ROBO2: variants seen among roughly 807,000 people sequenced by gnomAD.
ROBO2 encodes roundabout guidance receptor 2, also known as roundabout homolog 2.
ROBO2 carries 53 observed loss-of-function variants against 160.8 expected under a neutral mutation model. The ratio of observed to expected loss-of-function variants is 0.33; its 90% CI spans 0.26 to 0.41. ROBO2 has a LOEUF of 0.41. Among genes scored for constraint, ROBO2 ranks in the 10% least tolerant of loss-of-function variants. ROBO2 has a pLI of 1.00. For synonymous variants in ROBO2, 664 were observed against 611.7 expected (o/e 1.09, Z -1.26); for missense variants, 1,577 against 1,722.4 (o/e 0.92, Z 1.49).
At chr3:76,580,328 GTT>G (rs748888426) in intron 2 of ROBO2, among the ~76,000 whole-genome samples, 2 of 67,324 alleles carry the variant, frequency 3.0e-5, no homozygotes, top group Non-Finnish European at 5.4e-5. Flanking sequence ...TTTTTTTTTT[GTT>G]TTTTTTTTTG....
At position 77,473,289 on chromosome 3, in the gene ROBO2, A is replaced by AAAT. The variant is rs898486698; in HGVS notation, c.389-4116_389-4114dup. ...TTACTGCACCTGTGGCGGAAGAAAA[A>AAAT]AATAATAATAAGAAGAAGAAGAAGA... On this transcript the variant is annotated intron_variant, in intron 2 of 25. Coordinates refer to ENST00000461745, the Ensembl canonical transcript of ROBO2. Among the ~76,000 whole-genome samples the AAAT allele has an allele frequency of 3.3e-5, 5 of 151,582 alleles. No homozygotes were observed. The East Asian group carries it at 7.8e-4, about 24-fold the overall frequency.
At chr3:77,148,767 A>G (rs1468220309) in intron 2 of ROBO2, among the ~76,000 whole-genome samples, 1 of 152,222 alleles carries the variant, frequency 6.6e-6, no homozygotes, top group African/African-American at 2.4e-5. Context: ...ATTACATAAT[A>G]TAGTTATGGT....
chr3:76,734,073 G>C (rs575401572), intron 2 of ROBO2, among the ~76,000 whole-genome samples: 1 of 152,222 alleles, frequency 6.6e-6, no homozygotes, highest in Admixed American at 6.5e-5. Flanking sequence ...ATCCTCATAA[G>C]CTAACCAAAG....
intron 2 of ROBO2, among the ~76,000 whole-genome samples, chr3:76,726,176 A>G (rs1274168270): frequency 3.3e-5 from 5 of 151,992 alleles, no homozygotes; most frequent in Non-Finnish European, 7.4e-5. Flanking sequence ...CTGCATATCC[A>G]TTTCTATACT....
At position 77,365,593 on chromosome 3, in the gene ROBO2, T is replaced by C. The variant is rs75745249; in HGVS notation, c.389-111821T>C. On this transcript the variant is annotated intron_variant, in intron 2 of 25. Transcript: ENST00000461745. ...AATTGTCTTACCTTAGAAAGATTCA[T>C]CACTTTGTGTAACACTCACTTTGTG... 4.6e-4 allele frequency among the ~76,000 whole-genome samples: 70 copies of C among 152,196 alleles called. 1 individual carries two copies. The highest frequency in any genetic ancestry group is 8.4e-4 in the Non-Finnish European group (57 of 68,036).
chr3:75,934,828 TAA>T (rs1947701428), intron 1 of ROBO2, among the ~76,000 whole-genome samples: 1 of 152,120 alleles, frequency 6.6e-6, no homozygotes. Flanking sequence ...CAGTTCTATA[TAA>T]AATAGTAAAA....
At chr3:77,043,662 C>T (rs2064323942) in intron 1 of ROBO2, among the ~76,000 whole-genome samples, 1 of 151,970 alleles carries the variant, frequency 6.6e-6, no homozygotes, top group African/African-American at 2.4e-5. Context: ...CTTTGTTTTC[C>T]AGCTTTTCTT....
intron 2 of ROBO2, among the ~76,000 whole-genome samples, chr3:76,397,731 C>T (rs2077549056): frequency 6.6e-6 from 1 of 152,054 alleles, no homozygotes; most frequent in South Asian, 2.1e-4. Flanking sequence ...AAAATGCTCA[C>T]CATCACTGGC....
intron 2 of ROBO2, among the ~76,000 whole-genome samples, chr3:75,944,749 ATAGT>A (rs1386198113): frequency 2.6e-5 from 4 of 152,184 alleles, no homozygotes; most frequent in African/African-American, 9.6e-5. Flanking sequence ...TTGGATTTTC[ATAGT>A]TAATTATGTT....
At chr3:76,447,639 G>A (rs1431629393) in intron 2 of ROBO2, among the ~76,000 whole-genome samples, 1 of 150,520 alleles carries the variant, frequency 6.6e-6, no homozygotes, top group African/African-American at 2.5e-5. Context: ...CTTGGAACCA[G>A]CCCAAATATC....
intron 2 of ROBO2, among the ~76,000 whole-genome samples, chr3:75,967,906 A>G (rs1432071215): frequency 5.3e-5 from 8 of 151,568 alleles, no homozygotes; most frequent in Non-Finnish European, 1.2e-4. Flanking sequence ...GACTGTAAGT[A>G]TCTTCAGTGT....
chr3:76,347,617 T>C (rs2074607089), intron 2 of ROBO2, among the ~76,000 whole-genome samples: 3 of 152,058 alleles, frequency 2.0e-5, no homozygotes, highest in Admixed American at 2.0e-4. Flanking sequence ...TTTATAATCT[T>C]ATACTTTTTA....
intron 2 of ROBO2, among the ~76,000 whole-genome samples, chr3:76,791,421 T>C (rs74963601): frequency 0.015 from 2,208 of 151,700 alleles, 55 homozygotes; most frequent in African/African-American, 0.051. Flanking sequence ...ACTTCTGAAA[T>C]TGGGTTTTAT....
intron 2 of ROBO2, among the ~76,000 whole-genome samples, chr3:76,515,369 T>C (rs2081300105): frequency 6.6e-6 from 1 of 152,198 alleles, no homozygotes; most frequent in African/African-American, 2.4e-5. Context: ...ATATTTGTTA[T>C]TTTATTCTCA....
chr3:76,938,129 C>G (rs12631528), intron 2 of ROBO2, among the ~76,000 whole-genome samples: 1 of 152,004 alleles, frequency 6.6e-6, no homozygotes, highest in African/African-American at 2.4e-5. Flanking sequence ...CAGGCCGAGG[C>G]GGGCAGATCA....
intron 2 of ROBO2, among the ~76,000 whole-genome samples, chr3:76,093,372 G>C (rs2069309144): frequency 1.3e-5 from 2 of 150,662 alleles, no homozygotes; most frequent in African/African-American, 4.9e-5. Flanking sequence ...TTTTGGCATT[G>C]TTTATTCATA....
At chr3:76,265,177 C>G (rs1029874370) in intron 2 of ROBO2, among the ~76,000 whole-genome samples, 2 of 152,108 alleles carry the variant, frequency 1.3e-5, no homozygotes, top group Non-Finnish European at 2.9e-5. Flanking sequence ...TGCTTCAGAG[C>G]CTTTGCTTGA....
intron 2 of ROBO2, among the ~76,000 whole-genome samples, chr3:76,728,021 T>C (rs957096931): frequency 1.3e-5 from 2 of 152,096 alleles, no homozygotes; most frequent in Non-Finnish European, 2.9e-5. Flanking sequence ...ACTGTATAGA[T>C]ATGTACAAAT....
At chr3:77,053,994 T>C (rs1316978537) in intron 1 of ROBO2, among the ~76,000 whole-genome samples, 1 of 152,224 alleles carries the variant, frequency 6.6e-6, no homozygotes, top group Non-Finnish European at 1.5e-5. Flanking sequence ...TCTCTTTCAA[T>C]GAATGTGGCT....
Sources: gnomAD v4.1 joint callset for allele counts (sites outside exome capture counted in the v4.1 genomes callset) on GRCh38, gnomAD v4.1.1 for gene constraint, MANE v1.5 for transcripts, NCBI Gene and HGNC (gene_info 2026-07-23, HGNC 2026-07-21) for gene names.